Variants in TBL1X observed in about 807,000 individuals in gnomAD.
TBL1X encodes the protein transducin beta like 1 X-linked, also known as F-box-like/WD repeat-containing protein TBL1X.
A neutral mutation model predicts 50.7 loss-of-function variants in TBL1X; 10 were observed. The ratio of observed to expected loss-of-function variants is 0.20; its 90% confidence interval spans 0.12 to 0.33. TBL1X has a LOEUF of 0.33. Ranked by LOEUF, TBL1X falls within the 10% of genes least tolerant of loss-of-function variation. The probability of loss-of-function intolerance (pLI) is 1.00; values close to 1 mark genes in which losing one functional copy is unlikely to be tolerated. For synonymous variants in TBL1X, 190 were observed against 214.7 expected, an observed-to-expected ratio of 0.88 and a Z score of 1.01; for missense variants, 340 against 504.4, an observed-to-expected ratio of 0.67 and a Z score of 3.12.
intron 2 of TBL1X, among the ~76,000 whole-genome samples, chrX:9,631,819 A>G (rs2082723216): frequency 8.9e-6 from 1 of 112,763 alleles, no homozygotes; most frequent in Admixed American, 9.4e-5. Flanking sequence ...CTTTGTGGGA[A>G]TCCACATTTT....
At chrX:9,605,951 A>T (rs2082580715) in intron 2 of TBL1X, among the ~76,000 whole-genome samples, 1 of 112,230 alleles carries the variant, frequency 8.9e-6, no homozygotes, top group African/African-American at 3.2e-5. Context: ...GTAACAAATG[A>T]CCCCAAAACT....
chrX:9,694,906 C>T (rs2083121867), intron 11 of TBL1X, among the ~76,000 whole-genome samples: 1 of 110,006 alleles, frequency 9.1e-6, no homozygotes, highest in African/African-American at 3.3e-5. Context: ...CTGGGGTGAG[C>T]CCAGATCGCG....
chrX:9,693,132 C>A lies in TBL1X; in HGVS notation c.892-17C>A, dbSNP rs1445795321. 8.3e-7 allele frequency: 1 copy of A among 1,211,183 alleles called. No homozygotes were observed. The highest frequency in any genetic ancestry group is 1.8e-5 in the South Asian group (1 of 56,907). ...CTAAGTTGTTTTTGTGGGGTTTTGT[C>A]TCTTTCTGGCCCTCAGACCAATGGA... On this transcript the variant is annotated splice_polypyrimidine_tract_variant and intron_variant, in intron 9 of 17. Transcript: ENST00000645353.
intron 3 of TBL1X, 97 bp downstream of exon 3, chrX:9,640,457 T>A (rs2082769732): frequency 8.9e-6 from 1 of 111,927 alleles, no homozygotes. Context: ...CCCTTCTGTT[T>A]TAAATGATGT....
chrX:9,469,111 T>C (rs2081796027), intron 1 of TBL1X, among the ~76,000 whole-genome samples: 1 of 111,897 alleles, frequency 8.9e-6, no homozygotes, highest in Non-Finnish European at 1.9e-5. Context: ...TGAGCCACTT[T>C]ACTCAGTCGA....
At chrX:9,650,078 A>G (rs2082825295) in intron 3 of TBL1X, among the ~76,000 whole-genome samples, 1 of 112,713 alleles carries the variant, frequency 8.9e-6, no homozygotes. Context: ...GGCATGAGCC[A>G]TTGCGCCCAG....
chrX:9,630,796 G>A (rs1031886393), intron 2 of TBL1X, among the ~76,000 whole-genome samples: 22 of 110,741 alleles, frequency 2.0e-4, no homozygotes, highest in South Asian at 3.8e-4. Context: ...GACTGGTCTC[G>A]AACTCCTGGC....
chrX:9,697,475 A>G (rs766547615), intron 12 of TBL1X, 46 bp downstream of exon 12: 15 of 1,203,394 alleles, frequency 1.2e-5, no homozygotes, highest in Non-Finnish European at 1.5e-5. Context: ...TTTGTAATTC[A>G]AAAATAATAA....
At position 9,718,466 on chromosome X, in the gene TBL1X, A is replaced by G. The variant is rs1444554832; in HGVS notation, c.*2220A>G. ...ACAGTGATGTGGAGTCGCCGCACCCATCTTTGAAGATAGCCAGTGTCCCTG... is the reference window on the plus strand; with the variant it reads ...ACAGTGATGTGGAGTCGCCGCACCCGTCTTTGAAGATAGCCAGTGTCCCTG... On this transcript the variant is annotated 3_prime_UTR_variant, in exon 18 of 18. Transcript: ENST00000645353. 8.9e-6 allele frequency: 1 copy of G among 111,858 alleles called. No homozygotes were observed. The highest frequency in any genetic ancestry group is 1.9e-5 in the Non-Finnish European group (1 of 53,147). The allele number at this position is 111,858 out of a possible 1,213,427, so 9.2% of individuals were successfully genotyped here.
At chrX:9,525,409 C>A (rs2082127164) in intron 2 of TBL1X, among the ~76,000 whole-genome samples, 1 of 111,643 alleles carries the variant, frequency 9.0e-6, no homozygotes, top group South Asian at 3.8e-4. Context: ...CAAATTTCTC[C>A]ATAAGAGAAG....
intron 2 of TBL1X, among the ~76,000 whole-genome samples, chrX:9,584,182 A>G (rs1346486464): frequency 3.6e-5 from 4 of 112,119 alleles, no homozygotes; most frequent in South Asian, 3.7e-4. Context: ...GGCAAAAGAT[A>G]TCTGACCTAG....
intron 2 of TBL1X, among the ~76,000 whole-genome samples, chrX:9,575,359 C>T (rs996311861): frequency 1.8e-5 from 2 of 111,695 alleles, no homozygotes; most frequent in Non-Finnish European, 3.8e-5. Context: ...TCAGCAGTCA[C>T]TTCCCATTCT....
intron 1 of TBL1X, among the ~76,000 whole-genome samples, chrX:9,479,970 G>GTGT (rs2081871803): frequency 9.1e-6 from 1 of 109,905 alleles, no homozygotes; most frequent in Non-Finnish European, 1.9e-5. Flanking sequence ...GTGTGTTTGA[G>GTGT]ATGGAGTTTT....
intron 2 of TBL1X, among the ~76,000 whole-genome samples, chrX:9,601,512 G>A (rs1200599627): frequency 1.8e-5 from 2 of 111,361 alleles, no homozygotes; most frequent in Non-Finnish European, 3.8e-5. Flanking sequence ...GCATGACTTG[G>A]GGATGATTAT....
intron 1 of TBL1X, among the ~76,000 whole-genome samples, chrX:9,473,699 C>A (rs973619065): frequency 8.9e-6 from 1 of 111,943 alleles, no homozygotes; most frequent in African/African-American, 3.2e-5. Context: ...GGTTTAATTC[C>A]CAATTTGATT....
rs1204013372 is a variant in TBL1X, at chrX:9,698,629, A to C, written c.1114+1200A>C. 6.7e-4 allele frequency among the ~76,000 whole-genome samples: 75 copies of C among 111,166 alleles called. 1 individual carries two copies. The Admixed American group carries it at 7.1e-3, about 11-fold the overall frequency. ...TGCCTAGTACAAGCCAAAACTGCAG[A>C]CCCCCAGAAGGAAAGCAGGGGCACA... On this transcript the variant is annotated intron_variant, in intron 12 of 17. Coordinates refer to ENST00000645353, the MANE Select transcript of TBL1X (RefSeq NM_005647.4).
chrX:9,571,360 T>A (rs2082385582), intron 2 of TBL1X, among the ~76,000 whole-genome samples: 1 of 112,331 alleles, frequency 8.9e-6, no homozygotes, highest in Non-Finnish European at 1.9e-5. Context: ...GAAAATCATC[T>A]GCATAATTTG....
intron 2 of TBL1X, among the ~76,000 whole-genome samples, chrX:9,591,335 C>T (rs979042514): frequency 1.2e-4 from 13 of 111,989 alleles, no homozygotes; most frequent in South Asian, 3.7e-4. Flanking sequence ...CAGATGAGAG[C>T]GTTCACTTGC....
chrX:9,485,495 T>G (rs1278900946), intron 1 of TBL1X, among the ~76,000 whole-genome samples: 1 of 111,713 alleles, frequency 9.0e-6, no homozygotes, highest in African/African-American at 3.3e-5. Context: ...CAGGTTTTGA[T>G]GTTAGCAAAA....
Sources: gnomAD v4.1 joint callset for allele counts (sites outside exome capture counted in the v4.1 genomes callset) on GRCh38, gnomAD v4.1.1 for gene constraint, MANE v1.5 for transcripts, NCBI Gene and HGNC (gene_info 2026-07-23, HGNC 2026-07-21) for gene names.